CREB3L2: variants seen among roughly 807,000 people sequenced by gnomAD.
CREB3L2 encodes cyclic AMP-responsive element-binding protein 3-like protein 2.
In CREB3L2, 23 loss-of-function variants were observed where a neutral mutation model predicts 57.2. The ratio of observed to expected loss-of-function variants is 0.40; its 90% CI spans 0.29 to 0.57. CREB3L2 has a LOEUF of 0.57. Ranked by LOEUF, CREB3L2 falls within the 20% of genes least tolerant of loss-of-function variation. The pLI, the probability that CREB3L2 is intolerant of heterozygous loss-of-function variation, is 0.42. For missense variants in CREB3L2, 628 were observed against 634.7 expected, an observed-to-expected ratio of 0.99 and a Z score of 0.11; for synonymous variants, 268 against 265.1, an observed-to-expected ratio of 1.01 and a Z score of -0.11.
intron 1 of CREB3L2, among the ~76,000 whole-genome samples, chr7:137,997,216 G>T (rs1196080472): frequency 6.6e-6 from 1 of 152,068 alleles, no homozygotes; most frequent in African/African-American, 2.4e-5. Flanking sequence ...CCTACAAGTT[G>T]TATTTCTTCC....
At chr7:137,944,861 AGTTTT>A (rs1800941166) in intron 1 of CREB3L2, among the ~76,000 whole-genome samples, 1 of 152,074 alleles carries the variant, frequency 6.6e-6, no homozygotes, top group African/African-American at 2.4e-5. Context: ...TCAAATTTAT[AGTTTT>A]AGAATTTATA....
Position 138,001,634 on chromosome 7 carries a change from G to A in CREB3L2, c.72C>T (p.Pro24=), listed in dbSNP as rs758797783. ...WDRKLSELSE[P]GDGEALMYHT... ...GGTACATGAGGGCCTCGCCGTCCCC[G>A]GGCTCTGACAGCTCGCTCAGCTTGC... The change falls in exon 1 of 12, where the codon CCC becomes CCT. Residue 24 remains proline, a synonymous_variant. Coordinates refer to ENST00000330387, the MANE Select transcript of CREB3L2 (RefSeq NM_194071.4). The surrounding 1 kb of genome is among the most constrained non-coding windows in gnomAD (Gnocchi z 4.2). 3 of 1,613,268 alleles carry A rather than the reference G, an allele frequency of 1.9e-6. No homozygotes were observed. The highest frequency in any genetic ancestry group is 1.1e-5 in the South Asian group (1 of 91,012).
At chr7:137,928,539 G>A (rs1289399070) in intron 1 of CREB3L2, among the ~76,000 whole-genome samples, 173 bp from the exon 2 acceptor site, 2 of 146,406 alleles carry the variant, frequency 1.4e-5, no homozygotes, top group Non-Finnish European at 3.0e-5. Context: ...GTGGCTGAAG[G>A]TAACCATAAT....
chr7:137,912,143 G>GA (rs1408289589), intron 4 of CREB3L2, among the ~76,000 whole-genome samples: 2 of 152,268 alleles, frequency 1.3e-5, no homozygotes, highest in Non-Finnish European at 2.9e-5. Context: ...TCAGGAGGCC[G>GA]AAGCAGGCGG....
intron 1 of CREB3L2, among the ~76,000 whole-genome samples, chr7:137,993,234 C>A (rs1347063997): frequency 6.6e-6 from 1 of 152,128 alleles, no homozygotes; most frequent in Non-Finnish European, 1.5e-5. Context: ...CAGTGACATG[C>A]AAAGAAACTG....
chr7:137,961,102 T>TA (rs1458358259), intron 1 of CREB3L2, among the ~76,000 whole-genome samples: 3 of 149,808 alleles, frequency 2.0e-5, no homozygotes, highest in Non-Finnish European at 1.5e-5. Context: ...AATGTGGGCT[T>TA]AAAAAACCAA....
Position 137,903,950 on chromosome 7 carries a change from C to T in CREB3L2, c.974+9G>A. 2.5e-6 allele frequency: 4 copies of T among 1,612,062 alleles called. No individual in the cohort carries two copies. The highest frequency in any genetic ancestry group is 3.4e-6 in the Non-Finnish European group (4 of 1,178,096). ...CCCGATGAACGCAACAGTTTGCCAG[C>T]AGGCTTACTTTTTCTCCAGGCTGTC... On this transcript the variant is annotated intron_variant, in intron 7 of 11. Transcript: ENST00000330387.
chr7:137,981,226 G>C (rs1801705404), intron 1 of CREB3L2, among the ~76,000 whole-genome samples: 1 of 152,156 alleles, frequency 6.6e-6, no homozygotes. Flanking sequence ...AGAGAAAGGA[G>C]AGGAGGAAAA....
intron 2 of CREB3L2, chr7:137,922,727 G>T: frequency 2.3e-6 from 1 of 426,266 alleles, no homozygotes; most frequent in Non-Finnish European, 4.8e-6. Flanking sequence ...CAAGCACAGG[G>T]AGGGCGGACC....
At chr7:137,889,456 A>G (rs1799491397) in intron 8 of CREB3L2, among the ~76,000 whole-genome samples, 1 of 152,218 alleles carries the variant, frequency 6.6e-6, no homozygotes, top group Non-Finnish European at 1.5e-5. Context: ...ATCCACTGCA[A>G]ATGAAAATGG....
At chr7:137,931,094 T>C (rs1280671451) in intron 1 of CREB3L2, among the ~76,000 whole-genome samples, 1 of 151,736 alleles carries the variant, frequency 6.6e-6, no homozygotes, top group Non-Finnish European at 1.5e-5. Context: ...TAGCCAGGCA[T>C]GGTGGTGCAC....
At chr7:137,970,692 G>C (rs1189203235) in intron 1 of CREB3L2, among the ~76,000 whole-genome samples, 2 of 152,210 alleles carry the variant, frequency 1.3e-5, no homozygotes, top group Non-Finnish European at 2.9e-5. Context: ...CTGAAGAGCT[G>C]GCTTCTTCCT....
chr7:137,887,948 T>C (rs1799458946), intron 8 of CREB3L2, among the ~76,000 whole-genome samples: 1 of 152,152 alleles, frequency 6.6e-6, no homozygotes. Context: ...CAGGTACAAT[T>C]TTTATTTTTC....
At chr7:137,988,316 C>A (rs557490029) in intron 1 of CREB3L2, among the ~76,000 whole-genome samples, 1 of 152,236 alleles carries the variant, frequency 6.6e-6, no homozygotes, top group Non-Finnish European at 1.5e-5. Context: ...AGTGCCTTTG[C>A]GGGTCCTGAA....
At position 137,928,168 on chromosome 7, in the gene CREB3L2, T is replaced by C. The variant is rs1179930477; in HGVS notation, c.301A>G (p.Ser101Gly). 1 of 213,764 alleles carries C rather than the reference T, an allele frequency of 4.7e-6. No individual in the cohort carries two copies. Among genetic ancestry groups the C allele is most frequent in the African/African-American group, 1.3e-4 (1 of 7,846 alleles). 13.2% of individuals were successfully genotyped at this position (213,764 alleles called of 1,614,324 possible). A position where few individuals can be genotyped will look rare whatever the true frequency, so the allele number is the denominator to read the frequency against. Reference sequence around the variant, plus strand: ...AGTTTACCGTCATTGAAGCTGTCACTGGTGGTAATGTGGGTGAAGGGCGAC... The same window carrying C: ...AGTTTACCGTCATTGAAGCTGTCACCGGTGGTAATGTGGGTGAAGGGCGAC... ...AQSPFTHITT[S>G]DSFNDDEVES... is the part of the protein sequence containing the mutation. Residue 101 changes from serine to glycine, a missense_variant, in exon 2 of 12, where the codon AGT becomes GGT. Around this residue, in one of 3 missense-constraint regions of CREB3L2, gnomAD observed 339 missense variants for 355.4 expected, o/e 0.95. Transcript: ENST00000330387.
Position 137,905,832 on chromosome 7 carries a change from C to A in CREB3L2, c.785G>T (p.Gly262Val). 6.2e-7 allele frequency: 1 copy of A among 1,612,372 alleles called. No homozygotes were observed. The highest frequency in any genetic ancestry group is 8.5e-7 in the Non-Finnish European group (1 of 1,179,320). Residue 262 changes from glycine to valine, a missense_variant, in exon 6 of 12, where the codon GGC (glycine) becomes GTC (valine). Gly to Val is a moderately radical substitution (Grantham distance 109). Around this residue, in one of 3 missense-constraint regions of CREB3L2, gnomAD observed 339 missense variants for 355.4 expected, o/e 0.95. Transcript: ENST00000330387. ...CTCCTCCTCTGTCAGGACCAGAGGG[C>A]CTGATCCCTGCAGTTTCTGTGCAGA... ...LTAPHKLQGS[G>V]PLVLTEEEKR...
At chr7:137,951,489 A>G (rs1346737231) in intron 1 of CREB3L2, among the ~76,000 whole-genome samples, 1 of 152,198 alleles carries the variant, frequency 6.6e-6, no homozygotes. Context: ...TTAGCAGCAA[A>G]GGGTTAGTAT....
At chr7:137,934,683 G>A (rs1169982150) in intron 1 of CREB3L2, among the ~76,000 whole-genome samples, 5 of 152,220 alleles carry the variant, frequency 3.3e-5, no homozygotes, top group Admixed American at 1.3e-4. Flanking sequence ...GTAGAAACAT[G>A]CCAAGAGTTT....
chr7:137,930,225 G>A (rs1800586041), intron 1 of CREB3L2, among the ~76,000 whole-genome samples: 2 of 152,158 alleles, frequency 1.3e-5, no homozygotes, highest in Non-Finnish European at 2.9e-5. Flanking sequence ...AGCCCACTTT[G>A]GCACTAGCTA....
Sources: gnomAD v4.1 joint callset for allele counts (sites outside exome capture counted in the v4.1 genomes callset) on GRCh38, gnomAD v4.1.1 for gene constraint, gnomAD v4.1.1 regional missense constraint, Gnocchi (gnomAD v3.1) non-coding constraint, MANE v1.5 for transcripts, NCBI Gene and HGNC (gene_info 2026-07-23, HGNC 2026-07-21) for gene names.